GRIK4: variants seen among roughly 807,000 people sequenced by gnomAD.
GRIK4 encodes the protein glutamate receptor ionotropic, kainate 4.
A neutral mutation model predicts 104.9 loss-of-function variants in GRIK4; 40 were observed. That is an observed-to-expected ratio of 0.38 (90% CI 0.30 to 0.50). The LOEUF is 0.50. Among genes scored for constraint, GRIK4 ranks in the 20% least tolerant of loss-of-function variants. The pLI is 0.93. For synonymous variants in GRIK4, 485 were observed against 524.9 expected, an observed-to-expected ratio of 0.92 and a Z score of 1.04; for missense variants, 1,047 against 1,308.1, an observed-to-expected ratio of 0.80 and a Z score of 3.08.
Position 120,661,106 on chromosome 11 carries a change from G to A in GRIK4, c.82+706G>A, listed in dbSNP as rs576980080. 3.3e-5 allele frequency among the ~76,000 whole-genome samples: 5 copies of A among 152,176 alleles called. No individual in the cohort carries two copies. The South Asian group carries it at 1.0e-3, about 32-fold the overall frequency. On this transcript the variant is annotated intron_variant, in intron 3 of 20. Transcript: ENST00000527524. ...GGCTCTCTAGATCCTGGTTCCTGGG[G>A]ACACAGCCAGCCACAGGGACAAGGA...
chr11:120,596,254 T>G (rs968656586), intron 1 of GRIK4, among the ~76,000 whole-genome samples: 1 of 152,236 alleles, frequency 6.6e-6, no homozygotes, highest in African/African-American at 2.4e-5. Flanking sequence ...ATGCCCACTG[T>G]GTGTCACACA....
intron 19 of GRIK4, among the ~76,000 whole-genome samples, chr11:120,978,969 C>T (rs1479846167): frequency 6.6e-6 from 1 of 152,188 alleles, no homozygotes; most frequent in East Asian, 1.9e-4. Context: ...TCATTGGTGA[C>T]CACAGCGAGG....
At chr11:120,726,259 G>A (rs1381504029) in intron 3 of GRIK4, among the ~76,000 whole-genome samples, 1 of 152,162 alleles carries the variant, frequency 6.6e-6, no homozygotes, top group Non-Finnish European at 1.5e-5. Flanking sequence ...GTGGAGGTTG[G>A]AATGTTATTG....
chr11:120,970,127 T>G (rs1944450737), intron 19 of GRIK4, among the ~76,000 whole-genome samples: 1 of 152,210 alleles, frequency 6.6e-6, no homozygotes, highest in Admixed American at 6.5e-5. Context: ...TTGTTGTGTT[T>G]TCCTGGGTCA....
intron 3 of GRIK4, among the ~76,000 whole-genome samples, chr11:120,774,682 C>T (rs1480406424): frequency 9.2e-5 from 14 of 152,098 alleles, no homozygotes; most frequent in Admixed American, 9.2e-4. Flanking sequence ...GGCACTGTAG[C>T]CTAACCCAGG....
In GRIK4 at chr11:120,945,668, G is replaced by C. The variant is rs985320131; in HGVS notation, c.1590+5208G>C. Among the ~76,000 whole-genome samples the C allele has an allele frequency of 3.9e-5, 6 of 152,262 alleles. No individual in the cohort carries two copies. The South Asian group carries it at 1.2e-3, about 32-fold the overall frequency. On this transcript the variant is annotated intron_variant, in intron 14 of 20. Transcript: ENST00000527524. ...TGACCCAAATTCTTTTTTACCTTCT[G>C]GCCTTTACCCCTGTAGGTCTTGAGA...
intron 1 of GRIK4, among the ~76,000 whole-genome samples, chr11:120,615,995 T>A (rs894913595): frequency 1.3e-5 from 2 of 151,950 alleles, no homozygotes; most frequent in Non-Finnish European, 2.9e-5. Flanking sequence ...ACCAGCTGAT[T>A]TCAGAGGTTT....
intron 3 of GRIK4, among the ~76,000 whole-genome samples, chr11:120,760,364 A>G (rs1951725350): frequency 6.7e-6 from 1 of 148,330 alleles, no homozygotes; most frequent in Non-Finnish European, 1.5e-5. Context: ...ACAATGGAAT[A>G]TTTTATATAT....
chr11:120,944,583 A>G (rs1445430638), intron 14 of GRIK4, among the ~76,000 whole-genome samples: 4 of 152,186 alleles, frequency 2.6e-5, no homozygotes, highest in African/African-American at 9.7e-5. Context: ...AGAGTTCTCA[A>G]ATATACTGGG....
intron 14 of GRIK4, among the ~76,000 whole-genome samples, chr11:120,947,960 C>G (rs1156569638): frequency 6.6e-6 from 1 of 152,214 alleles, no homozygotes; most frequent in East Asian, 1.9e-4. Flanking sequence ...CTATGGGCAA[C>G]AGACCCATCT....
chr11:120,840,627 A>G (rs1953688975), intron 8 of GRIK4, among the ~76,000 whole-genome samples: 1 of 152,200 alleles, frequency 6.6e-6, no homozygotes, highest in Non-Finnish European at 1.5e-5. Context: ...CAGGGGGTCA[A>G]AAGTCCAGGC....
intron 5 of GRIK4, among the ~76,000 whole-genome samples, chr11:120,818,484 ATT>A (rs1953019672): frequency 6.6e-6 from 1 of 152,178 alleles, no homozygotes; most frequent in African/African-American, 2.4e-5. Context: ...CCCATTCTGC[ATT>A]TTTCAGTTTC....
intron 3 of GRIK4, among the ~76,000 whole-genome samples, chr11:120,726,911 A>C (rs1373724438): frequency 6.6e-6 from 1 of 152,238 alleles, no homozygotes; most frequent in African/African-American, 2.4e-5. Flanking sequence ...CAACATTTAC[A>C]ATAAAACTAG....
intron 19 of GRIK4, among the ~76,000 whole-genome samples, chr11:120,980,968 G>C (rs539711111): frequency 8.5e-5 from 13 of 152,234 alleles, no homozygotes; most frequent in Admixed American, 2.0e-4. Flanking sequence ...GTCGATTTCT[G>C]ATCTGGCCCT....
intron 1 of GRIK4, among the ~76,000 whole-genome samples, chr11:120,518,248 G>C (rs1452390060): frequency 6.6e-6 from 1 of 152,210 alleles, no homozygotes; most frequent in Admixed American, 6.5e-5. Flanking sequence ...TGGGCACAAA[G>C]CTATGCAAGC....
At chr11:120,589,643 C>A (rs1463086968) in intron 1 of GRIK4, among the ~76,000 whole-genome samples, 1 of 152,160 alleles carries the variant, frequency 6.6e-6, no homozygotes, top group African/African-American at 2.4e-5. Flanking sequence ...CTTTTGCATT[C>A]CTTGGCTCCT....
chr11:120,952,160 C>T lies in GRIK4; in HGVS notation c.1591-695C>T, dbSNP rs1444313354. Among the ~76,000 whole-genome samples the T allele has an allele frequency of 6.6e-6, 1 of 152,194 alleles. No individual in the cohort carries two copies. Among genetic ancestry groups the T allele is most frequent in the Non-Finnish European group, 1.5e-5 (1 of 68,040 alleles). ...TCACAGGACTCTGGCCAGACTCATC[C>T]CTGGCCTTGCAACGTGTTTTCCCAC... On this transcript the variant is annotated intron_variant, in intron 14 of 20. Coordinates refer to ENST00000527524, the MANE Select transcript of GRIK4 (RefSeq NM_014619.5). This position sits in a 1 kb window ranked among gnomAD's most constrained non-coding sequence, Gnocchi z 5.2.
intron 1 of GRIK4, among the ~76,000 whole-genome samples, chr11:120,520,907 G>A (rs1947790439): frequency 6.6e-6 from 1 of 152,116 alleles, no homozygotes; most frequent in Non-Finnish European, 1.5e-5. Flanking sequence ...ATGGAAACTG[G>A]AACATCTCTC....
intron 1 of GRIK4, among the ~76,000 whole-genome samples, chr11:120,558,566 C>T (rs1027038937): frequency 5.3e-5 from 8 of 152,108 alleles, no homozygotes; most frequent in Non-Finnish European, 8.8e-5. Context: ...CCAGCCTGGG[C>T]GACAGAGCGA....
Sources: gnomAD v4.1 joint callset for allele counts (sites outside exome capture counted in the v4.1 genomes callset) on GRCh38, gnomAD v4.1.1 for gene constraint, Gnocchi (gnomAD v3.1) non-coding constraint, MANE v1.5 for transcripts, NCBI Gene and HGNC (gene_info 2026-07-23, HGNC 2026-07-21) for gene names.